CDK8: variants seen among roughly 807,000 people sequenced by gnomAD.
CDK8 encodes cyclin dependent kinase 8, also known as cyclin-dependent kinase 8.
A neutral mutation model predicts 71.5 loss-of-function variants in CDK8; 29 were observed. The ratio of observed to expected loss-of-function variants is 0.41; its 90% CI spans 0.30 to 0.55. CDK8 has a LOEUF of 0.55. Ranked by LOEUF, CDK8 falls within the 20% of genes least tolerant of loss-of-function variation. The pLI, the probability that CDK8 is intolerant of heterozygous loss-of-function variation, is 0.37. For missense variants in CDK8, 288 were observed against 572.6 expected (o/e 0.50, Z 5.07); for synonymous variants, 161 against 192.1 (o/e 0.84, Z 1.34).
intron 2 of CDK8, among the ~76,000 whole-genome samples, chr13:26,342,356 ACT>A (rs937995065): frequency 2.2e-4 from 34 of 152,234 alleles, no homozygotes; most frequent in African/African-American, 8.2e-4. Context: ...AAGCCTGCAT[ACT>A]CTCTCAGCAT....
intron 4 of CDK8, among the ~76,000 whole-genome samples, chr13:26,381,514 A>G (rs1403712166): frequency 6.6e-6 from 1 of 152,156 alleles, no homozygotes; most frequent in Non-Finnish European, 1.5e-5. Flanking sequence ...CAGTATTATT[A>G]TTATTATTAC....
At chr13:26,359,503 C>G (rs1199345706) in intron 4 of CDK8, 1 of 161,002 alleles carries the variant, frequency 6.2e-6, no homozygotes, top group African/African-American at 2.4e-5. Flanking sequence ...CATGATGCAT[C>G]AAAGTTGTAT....
At chr13:26,271,806 C>CTTTTTTTTTTTTT (rs58160694) in intron 1 of CDK8, among the ~76,000 whole-genome samples, 7 of 62,670 alleles carry the variant, frequency 1.1e-4, no homozygotes, top group African/African-American at 4.3e-4. Flanking sequence ...GAGACCCTGT[C>CTTTTTTTTTTTTT]TTTTTTTTTT....
At chr13:26,293,001 T>A (rs1352305162) in intron 1 of CDK8, among the ~76,000 whole-genome samples, 1 of 152,220 alleles carries the variant, frequency 6.6e-6, no homozygotes, top group Non-Finnish European at 1.5e-5. Context: ...TGCTTTCAGT[T>A]AGAAAGTATT....
Position 26,254,578 on chromosome 13 carries a change from C to A in CDK8, c.-64C>A. ...CCGGGGGCTGCGGCTGCCCGTGCTT[C>A]CCCGGTCCCCACCCCTGCCCCCCGG... On this transcript the variant is annotated 5_prime_UTR_variant, in exon 1 of 13. Transcript: ENST00000381527. The surrounding 1 kb of genome is among the most constrained non-coding windows in gnomAD (Gnocchi z 6.7). 1.4e-6 allele frequency: 2 copies of A among 1,383,786 alleles called. No homozygotes were observed. The highest frequency in any genetic ancestry group is 9.8e-7 in the Non-Finnish European group (1 of 1,021,678). The allele number at this position is 1,383,786 out of a possible 1,614,324, so 85.7% of individuals were successfully genotyped here.
intron 7 of CDK8, among the ~76,000 whole-genome samples, chr13:26,395,773 C>A (rs1332947148): frequency 1.3e-5 from 2 of 152,010 alleles, no homozygotes; most frequent in Non-Finnish European, 2.9e-5. Flanking sequence ...ATAGTTATTA[C>A]CCCTTCTTCC....
chr13:26,368,429 T>C (rs1874494346), intron 4 of CDK8, among the ~76,000 whole-genome samples: 1 of 152,206 alleles, frequency 6.6e-6, no homozygotes, highest in Non-Finnish European at 1.5e-5. Flanking sequence ...CTAAACACAT[T>C]GTACAGTATA....
At chr13:26,361,749 T>C (rs796228594) in intron 4 of CDK8, among the ~76,000 whole-genome samples, 27 of 151,488 alleles carry the variant, frequency 1.8e-4, no homozygotes, top group African/African-American at 6.5e-4. Context: ...TTTCATTTTT[T>C]AAGTAATTTT....
chr13:26,385,367 A>C (rs1052302248), intron 6 of CDK8, 25 bp downstream of exon 6: 2 of 1,567,068 alleles, frequency 1.3e-6, no homozygotes, highest in African/African-American at 1.4e-5. Flanking sequence ...TTAAAATTCC[A>C]TGAGTTTTTA....
At chr13:26,357,339 G>T (rs550278620) in intron 4 of CDK8, among the ~76,000 whole-genome samples, 4 of 152,098 alleles carry the variant, frequency 2.6e-5, no homozygotes, top group Non-Finnish European at 5.9e-5. Context: ...AACATAAGCA[G>T]TATTTATTTT....
In CDK8 at chr13:26,359,140, A is replaced by T. The variant is rs560773799; in HGVS notation, c.456+5260A>T. The T allele has an allele frequency of 1.7e-5, 3 of 172,054 alleles. No homozygotes were observed. The South Asian group carries it at 3.4e-4, about 20-fold the overall frequency. 10.7% of individuals were successfully genotyped at this position (172,054 alleles called of 1,614,324 possible). A position where few individuals can be genotyped will look rare whatever the true frequency, so the allele number is the denominator to read the frequency against. ...AGCTAGTCACAAAAGGATAAGTACC[A>T]TATGATTCCACTTTCATGAGGTACC... On this transcript the variant is annotated intron_variant, in intron 4 of 12. Transcript: ENST00000381527.
intron 3 of CDK8, among the ~76,000 whole-genome samples, chr13:26,352,792 A>G (rs957620725): frequency 2.0e-5 from 3 of 152,234 alleles, no homozygotes; most frequent in Non-Finnish European, 2.9e-5. Flanking sequence ...TTCATTAATC[A>G]TTAGTTATTC....
At chr13:26,377,386 C>T (rs1875004967) in intron 4 of CDK8, among the ~76,000 whole-genome samples, 1 of 152,210 alleles carries the variant, frequency 6.6e-6, no homozygotes, top group African/African-American at 2.4e-5. Context: ...GTTTGTGTCT[C>T]TGTTGATCCT....
intron 1 of CDK8, among the ~76,000 whole-genome samples, chr13:26,259,524 TG>T (rs1174515653): frequency 6.6e-6 from 1 of 152,194 alleles, no homozygotes; most frequent in African/African-American, 2.4e-5. Context: ...CTGTGGATTT[TG>T]GGGGACGGTC....
At chr13:26,265,877 G>A (rs1172529182) in intron 1 of CDK8, among the ~76,000 whole-genome samples, 1 of 152,140 alleles carries the variant, frequency 6.6e-6, no homozygotes, top group African/African-American at 2.4e-5. Flanking sequence ...AATAAGTTCC[G>A]ATTTCTCATT....
intron 10 of CDK8, among the ~76,000 whole-genome samples, chr13:26,400,874 C>T (rs926058361): frequency 6.6e-6 from 1 of 152,022 alleles, no homozygotes; most frequent in African/African-American, 2.4e-5. Flanking sequence ...TGCAAATATT[C>T]CCAAATGTGT....
chr13:26,320,355 G>A (rs755902102), intron 1 of CDK8, among the ~76,000 whole-genome samples: 2 of 152,050 alleles, frequency 1.3e-5, no homozygotes, highest in Non-Finnish European at 2.9e-5. Context: ...GCGCAGCAGT[G>A]AGCTATGATT....
At chr13:26,344,184 A>G (rs2137984190) in intron 2 of CDK8, among the ~76,000 whole-genome samples, 1 of 152,222 alleles carries the variant, frequency 6.6e-6, no homozygotes, top group East Asian at 1.9e-4. Context: ...ATTTAGGGTT[A>G]TGGCCTCCAG....
chr13:26,269,686 A>AGTG (rs1334209790), intron 1 of CDK8, among the ~76,000 whole-genome samples: 1 of 152,158 alleles, frequency 6.6e-6, no homozygotes, highest in African/African-American at 2.4e-5. Context: ...TTGATCATGT[A>AGTG]GTGTCTTTTC....
Sources: allele counts gnomAD v4.1 joint callset (sites outside exome capture counted in the v4.1 genomes callset), GRCh38; gene constraint gnomAD v4.1.1; non-coding constraint Gnocchi (gnomAD v3.1); transcripts MANE v1.5; gene names NCBI Gene and HGNC (gene_info 2026-07-23, HGNC 2026-07-21).